GEM: variants seen among roughly 807,000 people sequenced by gnomAD.
GEM encodes the protein GTP binding protein overexpressed in skeletal muscle.
A neutral mutation model predicts 33.0 loss-of-function variants in GEM; 31 were observed. The ratio of observed to expected loss-of-function variants is 0.94; its 90% confidence interval spans 0.71 to 1.27. GEM has a LOEUF of 1.27. GEM is among the 50% of genes most tolerant of loss of function. GEM has a pLI of 0.00. For missense variants in GEM, 354 were observed against 390.5 expected (o/e 0.91, Z 0.79); for synonymous variants, 141 against 143.7 (o/e 0.98, Z 0.13).
At chr8:94,260,538 C>T (rs1359411428) in intron 1 of GEM, 26 bp from the exon 2 acceptor site, 3 of 1,386,862 alleles carry the variant, frequency 2.2e-6, no homozygotes, top group Admixed American at 1.8e-5. Flanking sequence ...GCCAAGATGG[C>T]AGCATTAGTA....
rs1217047065 is a variant in GEM at position 94,260,482 on chromosome 8, T to C, written c.22A>G (p.Met8Val). ...TGCATGCCCACAGTGCCCTGGCGCATGGTGACATTATTCAGAGTCATCGTT... is the reference window on the plus strand; with the variant it reads ...TGCATGCCCACAGTGCCCTGGCGCACGGTGACATTATTCAGAGTCATCGTT... MTLNNVT[M>V]RQGTVGMQPQ... The change falls in exon 2 of 5, where the codon ATG becomes GTG. Residue 8 changes from methionine (M) to valine (V), a missense_variant. Met to Val is a conservative substitution (Grantham distance 21, BLOSUM62 1). Coordinates refer to ENST00000297596, the MANE Select transcript of GEM (RefSeq NM_005261.4). 6.2e-7 allele frequency: 1 copy of C among 1,606,108 alleles called. No homozygotes were observed. Among genetic ancestry groups the C allele is most frequent in the South Asian group, 1.1e-5 (1 of 90,742 alleles).
intron 2 of GEM, among the ~76,000 whole-genome samples, chr8:94,255,206 C>T (rs772069818): frequency 2.7e-4 from 41 of 152,150 alleles, no homozygotes; most frequent in Non-Finnish European, 4.4e-4. Flanking sequence ...ATACTGTGTT[C>T]CAATCGCTGA....
chr8:94,260,627 C>A, intron 1 of GEM, 115 bp from the exon 2 acceptor site: 1 of 641,720 alleles, frequency 1.6e-6, no homozygotes, highest in African/African-American at 1.8e-5. Flanking sequence ...AGCAAGTATC[C>A]CTAACATAAA....
chr8:94,252,081 A>C lies in GEM; in HGVS notation c.551T>G (p.Ile184Ser). Residue 184 changes from isoleucine (I) to serine (S), a missense_variant, in exon 4 of 5, where the codon ATT (isoleucine) becomes AGT (serine). By Grantham distance (142) the Ile-to-Ser change is moderately radical. Coordinates refer to ENST00000297596, the MANE Select transcript of GEM (RefSeq NM_005261.4). Reference protein sequence around the residue: ...QLRRARQTEDIPIILVGNKSD... With the variant: ...QLRRARQTEDSPIILVGNKSD... ...TTTGTTGCCAACCAAAATTATGGGA[A>C]TGTCCTCTGTCTGCCGGGCCCTGCG... is the stretch of plus-strand genomic sequence containing the variant. The C allele has an allele frequency of 6.2e-7, 1 of 1,614,152 alleles. No homozygotes were observed. Among genetic ancestry groups the C allele is most frequent in the Non-Finnish European group, 8.5e-7 (1 of 1,179,994 alleles).
rs759240105 is a variant in GEM, at chr8:94,252,105, C to T, written c.527G>A (p.Arg176His). Residue 176 changes from arginine (R) to histidine (H), a missense_variant, in exon 4 of 5, where the codon CGC (arginine) becomes CAC (histidine). By Grantham distance (29) the Arg-to-His change is conservative. Transcript: ENST00000297596. ...AATGTCCTCTGTCTGCCGGGCCCTG[C>T]GGAGCTGGATTCGCAGCTCAGATGC... Reference protein sequence around the residue: ...EKASELRIQLRRARQTEDIPI... With the variant: ...EKASELRIQLHRARQTEDIPI... 43 of 1,613,980 alleles carry T rather than the reference C, an allele frequency of 2.7e-5. No homozygotes were observed. The highest frequency in any genetic ancestry group is 1.2e-4 in the Admixed American group (7 of 60,000).
intron 2 of GEM, among the ~76,000 whole-genome samples, chr8:94,253,791 G>A (rs1808829859): frequency 1.3e-5 from 2 of 152,070 alleles, no homozygotes; most frequent in South Asian, 4.1e-4. Flanking sequence ...TCTTGTGTAG[G>A]TGAAGGGTGA....
chr8:94,260,191 C>G lies in GEM; in HGVS notation c.313G>C (p.Asp105His). ...CACCTACCTCCCAGCACCTCGCAGT[C>G]GCTGTCCATGCTGTCATGCACACCT... Reference protein sequence around the residue: ...FAGVHDSMDSDCEVLGEDTYE... With the variant: ...FAGVHDSMDSHCEVLGEDTYE... The change falls in exon 2 of 5, where the codon GAC becomes CAC. Residue 105 changes from aspartate to histidine, a missense_variant. Coordinates refer to ENST00000297596, the MANE Select transcript of GEM (RefSeq NM_005261.4). The G allele has an allele frequency of 6.3e-7, 1 of 1,589,390 alleles. No homozygotes were observed. The highest frequency in any genetic ancestry group is 8.6e-7 in the Non-Finnish European group (1 of 1,159,064).
chr8:94,250,710 T>C (rs1808751334), intron 4 of GEM, 123 bp from the exon 5 acceptor site: 1 of 707,522 alleles, frequency 1.4e-6, no homozygotes. Flanking sequence ...TAGAGGATGC[T>C]GCTGCGGCAT....
chr8:94,257,073 G>C (rs2129769175), intron 2 of GEM, among the ~76,000 whole-genome samples: 1 of 152,292 alleles, frequency 6.6e-6, no homozygotes, highest in East Asian at 1.9e-4. Context: ...TTCCCACCTA[G>C]CTCAGGGCTT....
intron 1 of GEM, among the ~76,000 whole-genome samples, chr8:94,261,701 T>C (rs1250002128): frequency 6.6e-6 from 1 of 152,158 alleles, no homozygotes; most frequent in Admixed American, 6.5e-5. Context: ...AAGACTCCCC[T>C]AAATGATATT....
At chr8:94,255,529 G>A (rs1042726007) in intron 2 of GEM, among the ~76,000 whole-genome samples, 3 of 151,992 alleles carry the variant, frequency 2.0e-5, no homozygotes, top group Non-Finnish European at 2.9e-5. Flanking sequence ...ATGGCATCCC[G>A]ACTGAAGGCT....
chr8:94,258,033 G>A lies in GEM; in HGVS notation c.331+2140C>T, dbSNP rs77461355. Reference sequence around the variant, plus strand: ...CCTGTGTCTTTTCATGGTCCCCTGCGGCCCCAGGATCAGCCATATGCCTGA... The same window carrying A: ...CCTGTGTCTTTTCATGGTCCCCTGCAGCCCCAGGATCAGCCATATGCCTGA... On this transcript the variant is annotated intron_variant, in intron 2 of 4. Coordinates refer to ENST00000297596, the MANE Select transcript of GEM (RefSeq NM_005261.4). Among the ~76,000 whole-genome samples the A allele has an allele frequency of 7.8e-4, 118 of 152,052 alleles. 1 individual carries two copies. The East Asian group carries it at 0.019, about 25-fold the overall frequency.
At chr8:94,261,076 A>C (rs1339425952) in intron 1 of GEM, among the ~76,000 whole-genome samples, 2 of 152,022 alleles carry the variant, frequency 1.3e-5, no homozygotes, top group Non-Finnish European at 2.9e-5. Context: ...ACTTATTGGA[A>C]CTTCCATGTT....
At chr8:94,254,293 T>C (rs1051470167) in intron 2 of GEM, among the ~76,000 whole-genome samples, 8 of 152,200 alleles carry the variant, frequency 5.3e-5, no homozygotes, top group Non-Finnish European at 1.2e-4. Flanking sequence ...CCCCAGCACA[T>C]TGGTACATTG....
intron 2 of GEM, among the ~76,000 whole-genome samples, chr8:94,254,809 G>A (rs965235397): frequency 2.6e-5 from 4 of 152,156 alleles, no homozygotes; most frequent in African/African-American, 9.7e-5. Flanking sequence ...GCATGGCCCT[G>A]TCTTTCTGTG....
At chr8:94,255,289 G>T (rs186816323) in intron 2 of GEM, among the ~76,000 whole-genome samples, 24 of 152,290 alleles carry the variant, frequency 1.6e-4, no homozygotes, top group Non-Finnish European at 1.5e-4. Flanking sequence ...GTGGACTAAG[G>T]ATCACAGCCA....
At chr8:94,251,526 T>C (rs1484696929) in intron 4 of GEM, among the ~76,000 whole-genome samples, 1 of 152,206 alleles carries the variant, frequency 6.6e-6, no homozygotes, top group African/African-American at 2.4e-5. Flanking sequence ...GATAGAGATT[T>C]TCCCTGAGCT....
At chr8:94,257,206 G>A (rs951709189) in intron 2 of GEM, among the ~76,000 whole-genome samples, 7 of 151,440 alleles carry the variant, frequency 4.6e-5, no homozygotes, top group African/African-American at 1.5e-4. Context: ...TTGAGATGGA[G>A]TTTCACTTTT....
At chr8:94,253,012 TAG>T in intron 3 of GEM, 22 bp downstream of exon 3, 2 of 1,363,252 alleles carry the variant, frequency 1.5e-6, no homozygotes, top group Non-Finnish European at 2.1e-6. Context: ...TAAAGGAATT[TAG>T]AGAGCTACAG....
Sources: gnomAD v4.1 joint callset for allele counts (sites outside exome capture counted in the v4.1 genomes callset) on GRCh38, gnomAD v4.1.1 for gene constraint, MANE v1.5 for transcripts, NCBI Gene and HGNC (gene_info 2026-07-23, HGNC 2026-07-21) for gene names.